The following CHERP variants were observed in gnomAD, a reference collection of about 807,000 sequenced individuals.
The protein encoded by CHERP is ERPROT 213-21.
A neutral mutation model predicts 113.8 loss-of-function variants in CHERP; 8 were observed. The ratio of observed to expected loss-of-function variants is 0.07; its 90% CI spans 0.04 to 0.13. The LOEUF is 0.13. Among genes scored for constraint, CHERP ranks in the 10% least tolerant of loss-of-function variants. The pLI is 1.00. For missense variants in CHERP, 884 were observed against 1,298.2 expected, an observed-to-expected ratio of 0.68 and a Z score of 4.90; for synonymous variants, 559 against 524.5, an observed-to-expected ratio of 1.07 and a Z score of -0.90.
rs1363650822 is a variant in CHERP at position 16,532,333 on chromosome 19, G to C, written c.674+265C>G. 2.2e-6 allele frequency: 1 copy of C among 447,658 alleles called. No homozygotes were observed. The highest frequency in any genetic ancestry group is 3.7e-5 in the South Asian group (1 of 26,706). The allele number at this position is 447,658 out of a possible 1,614,324, so 27.7% of individuals were successfully genotyped here. A position where few individuals can be genotyped will look rare whatever the true frequency, so the allele number is the denominator to read the frequency against. On this transcript the variant is annotated intron_variant, in intron 5 of 16. Coordinates refer to ENST00000546361, the MANE Select transcript of CHERP (RefSeq NM_006387.6). This position sits in a 1 kb window ranked among gnomAD's most constrained non-coding sequence, Gnocchi z 4.4. ...GGAGTGCAGGGGACAGTGGCCCCCA[G>C]GAGACAGCAATGTGACAGGTGAGGC...
Position 16,525,706 on chromosome 19 carries a change from T to C in CHERP, c.1306-29A>G. 1 of 1,470,110 alleles carries C rather than the reference T, an allele frequency of 6.8e-7. No individual in the cohort carries two copies. The highest frequency in any genetic ancestry group is 9.0e-7 in the Non-Finnish European group (1 of 1,108,478). The allele number at this position is 1,470,110 out of a possible 1,614,324, so 91.1% of individuals were successfully genotyped here. A position where few individuals can be genotyped will look rare whatever the true frequency, so the allele number is the denominator to read the frequency against. ...CAAGGGAAGGGACAGGCTTGAGCCC[T>C]GCGTGGTCTAGGCCCTAGTGCTCGG... On this transcript the variant is annotated intron_variant, in intron 9 of 16. Coordinates refer to ENST00000546361, the MANE Select transcript of CHERP (RefSeq NM_006387.6). This position sits in a 1 kb window ranked among gnomAD's most constrained non-coding sequence, Gnocchi z 6.5.
chr19:16,522,214 G>A (rs1018514707), intron 11 of CHERP, among the ~76,000 whole-genome samples: 10 of 151,880 alleles, frequency 6.6e-5, no homozygotes, highest in African/African-American at 2.4e-4. Flanking sequence ...AGTGGCAGTG[G>A]CCAGCATGCC....
At position 16,535,644 on chromosome 19, in the gene CHERP, G is replaced by T. The variant is rs958830395; in HGVS notation, c.200-8C>A. 4 of 1,501,130 alleles carry T rather than the reference G, an allele frequency of 2.7e-6. No homozygotes were observed. Among genetic ancestry groups the T allele is most frequent in the Admixed American group, 2.2e-5 (1 of 44,748 alleles). 93.0% of individuals were successfully genotyped at this position (1,501,130 alleles called of 1,614,324 possible). A position where few individuals can be genotyped will look rare whatever the true frequency, so the allele number is the denominator to read the frequency against. On this transcript the variant is annotated splice_polypyrimidine_tract_variant and splice_region_variant and intron_variant, in intron 2 of 16. Coordinates refer to ENST00000546361, the MANE Select transcript of CHERP (RefSeq NM_006387.6). This position sits in a 1 kb window ranked among gnomAD's most constrained non-coding sequence, Gnocchi z 4.3. ...TCTGCTGCTTGCAGATGACTGGAGG[G>T]AGAGGAGGAGGGGTGCCCCATGAGA...
chr19:16,529,983 C>A, intron 7 of CHERP, 83 bp from the exon 8 acceptor site: 1 of 1,511,358 alleles, frequency 6.6e-7, no homozygotes, highest in Non-Finnish European at 8.9e-7. Flanking sequence ...GCCTGGAAAG[C>A]AGCAGAGCCT....
intron 8 of CHERP, 24 bp downstream of exon 8, chr19:16,529,624 G>C: frequency 6.5e-7 from 1 of 1,532,976 alleles, no homozygotes; most frequent in Non-Finnish European, 8.8e-7. Context: ...CCTGGGGGCA[G>C]GCTGAGCTGA....
rs1182372320 is a variant in CHERP at position 16,539,067 on chromosome 19, C to T, written c.199+2803G>A. On this transcript the variant is annotated intron_variant, in intron 2 of 16. Coordinates refer to ENST00000546361, the MANE Select transcript of CHERP (RefSeq NM_006387.6). ...CCCAGGCTGGTCCCTGTAGCTTGTC[C>T]TACACCACCGGCCACACAACCCAAG... 2.0e-5 allele frequency among the ~76,000 whole-genome samples: 3 copies of T among 152,008 alleles called. No individual in the cohort carries two copies. The East Asian group carries it at 5.8e-4, about 29-fold the overall frequency.
chr19:16,519,772 A>T lies in CHERP; in HGVS notation c.2463-57T>A, dbSNP rs1044697008. The T allele has an allele frequency of 4.1e-6, 6 of 1,448,668 alleles. No individual in the cohort carries two copies. In the Admixed American group the frequency reaches 5.0e-5, roughly 12 times the overall value. 89.7% of individuals were successfully genotyped at this position (1,448,668 alleles called of 1,614,324 possible). ...AGTAACTGAGACATTTATTGGAATGACAGTGATGAGGACCTCACAGCCGCA... is the reference window on the plus strand; with the variant it reads ...AGTAACTGAGACATTTATTGGAATGTCAGTGATGAGGACCTCACAGCCGCA... On this transcript the variant is annotated intron_variant, in intron 15 of 16. Transcript: ENST00000546361. This position sits in a 1 kb window ranked among gnomAD's most constrained non-coding sequence, Gnocchi z 6.0.
At chr19:16,537,177 C>A (rs1051552852) in intron 2 of CHERP, among the ~76,000 whole-genome samples, 9 of 148,598 alleles carry the variant, frequency 6.1e-5, no homozygotes, top group African/African-American at 1.5e-4. Context: ...CCCCGCACCC[C>A]CCTCCTTCCC....
chr19:16,533,225 G>A, intron 3 of CHERP, 77 bp from the exon 4 acceptor site: 2 of 1,410,704 alleles, frequency 1.4e-6, no homozygotes, highest in South Asian at 1.3e-5. Context: ...TGGCTCAGCA[G>A]GGGCGGGGTG....
chr19:16,527,501 G>A (rs2085664483), intron 9 of CHERP, among the ~76,000 whole-genome samples: 2 of 152,196 alleles, frequency 1.3e-5, no homozygotes, highest in Admixed American at 1.3e-4. Context: ...GGGCAAGGGG[G>A]AAAGTCACGC....
chr19:16,520,727 T>C lies in CHERP; in HGVS notation c.2201+99A>G. On this transcript the variant is annotated intron_variant, in intron 13 of 16. Transcript: ENST00000546361. The surrounding 1 kb of genome is among the most constrained non-coding windows in gnomAD (Gnocchi z 4.0). ...AACACCGCCCCATAGGCACAGGCTG[T>C]GTGAGGGTGGACGTGATGAGTGTAT... 1 of 1,281,682 alleles carries C rather than the reference T, an allele frequency of 7.8e-7. No homozygotes were observed. The highest frequency in any genetic ancestry group is 1.1e-6 in the Non-Finnish European group (1 of 886,618). The allele number at this position is 1,281,682 out of a possible 1,614,324, so 79.4% of individuals were successfully genotyped here.
Position 16,519,416 on chromosome 19 carries a change from GC to G in CHERP, c.2558-65del. ...AGGCAGATGGGGGTGCACGTGGGGG[GC>G]TGAATGTCCAGACAGGCAGTGTAGA... is the stretch of plus-strand genomic sequence containing the variant. On this transcript the variant is annotated intron_variant, in intron 16 of 16. Transcript: ENST00000546361. The surrounding 1 kb of genome is among the most constrained non-coding windows in gnomAD (Gnocchi z 6.0). 1 of 1,514,496 alleles carries G rather than the reference GC, an allele frequency of 6.6e-7. No individual in the cohort carries two copies. The highest frequency in any genetic ancestry group is 1.2e-5 in the South Asian group (1 of 84,610). The allele number at this position is 1,514,496 out of a possible 1,614,324, so 93.8% of individuals were successfully genotyped here.
intron 8 of CHERP, among the ~76,000 whole-genome samples, chr19:16,528,906 T>A (rs1235469640): frequency 5.3e-5 from 8 of 152,156 alleles, no homozygotes; most frequent in Non-Finnish European, 1.5e-5. Flanking sequence ...TGAGCTGAGA[T>A]CACGCCACTG....
Position 16,525,773 on chromosome 19 carries a change from C to A in CHERP, c.1306-96G>T. 8.3e-7 allele frequency: 1 copy of A among 1,205,010 alleles called. No homozygotes were observed. Among genetic ancestry groups the A allele is most frequent in the Non-Finnish European group, 1.1e-6 (1 of 904,094 alleles). 74.6% of individuals were successfully genotyped at this position (1,205,010 alleles called of 1,614,324 possible). A position where few individuals can be genotyped will look rare whatever the true frequency, so the allele number is the denominator to read the frequency against. ...GGCAGCATCACAGCGCTGGCTCAGA[C>A]CATGGAGGCGCTGCCCTGGCCACGT... On this transcript the variant is annotated intron_variant, in intron 9 of 16. Coordinates refer to ENST00000546361, the MANE Select transcript of CHERP (RefSeq NM_006387.6). The surrounding 1 kb of genome is among the most constrained non-coding windows in gnomAD (Gnocchi z 6.5).
At chr19:16,541,803 G>A (rs1408120678) in intron 2 of CHERP, 67 bp downstream of exon 2, 2 of 1,507,212 alleles carry the variant, frequency 1.3e-6, no homozygotes, top group South Asian at 1.2e-5. Flanking sequence ...GTTTGTGGCA[G>A]AGCCCGGACT....
In CHERP at chr19:16,523,332, G is replaced by T. The variant is rs2085634507; in HGVS notation, c.1742-42C>A. 6.3e-7 allele frequency: 1 copy of T among 1,595,552 alleles called. No individual in the cohort carries two copies. The highest frequency in any genetic ancestry group is 1.4e-5 in the African/African-American group (1 of 73,382). On this transcript the variant is annotated intron_variant, in intron 10 of 16. Coordinates refer to ENST00000546361, the MANE Select transcript of CHERP (RefSeq NM_006387.6). The surrounding 1 kb of genome is among the most constrained non-coding windows in gnomAD (Gnocchi z 4.0). ...TGCCTCAGGACCACAGGCCAGTCAG[G>T]ATCTCCCAGGCGACAAGTGCTGGAG...
intron 2 of CHERP, among the ~76,000 whole-genome samples, chr19:16,537,973 T>C (rs1467747291): frequency 6.6e-6 from 1 of 152,200 alleles, no homozygotes; most frequent in Non-Finnish European, 1.5e-5. Context: ...CCAGAAATGG[T>C]CCTTCACCAC....
Position 16,528,166 on chromosome 19 carries a change from C to G in CHERP, c.1219G>C (p.Gly407Arg), listed in dbSNP as rs2085669398. 6.2e-7 allele frequency: 1 copy of G among 1,613,324 alleles called. No homozygotes were observed. Among genetic ancestry groups the G allele is most frequent in the Non-Finnish European group, 8.5e-7 (1 of 1,179,776 alleles). The change falls in exon 9 of 17, where the codon GGC (glycine) becomes CGC (arginine). Residue 407 changes from glycine (G) to arginine (R), a missense_variant. Gly to Arg is a moderately radical substitution (Grantham distance 125). This residue lies in a region of CHERP where 464 missense variants were observed against 590.1 expected (regional missense o/e 0.79). Transcript: ENST00000546361. ...VQDPAAAGPRGPGPHDQIPPN... is the reference protein window; with the variant it reads ...VQDPAAAGPRRPGPHDQIPPN... ...GGGATCTGGTCGTGTGGCCCGGGGC[C>G]CCGGGGGCCGGCAGCTGCAGGATCC...
chr19:16,521,601 G>A lies in CHERP; in HGVS notation c.2034C>T (p.Pro678=), dbSNP rs765549216. Residue 678 remains proline (P), a synonymous_variant, in exon 12 of 17, where the codon CCC becomes CCT. Transcript: ENST00000546361. ...PLDPKDIRLP[P]PMPPSERLLA... is the part of the protein sequence containing the mutation. ...GCAGCCTCTCGCTGGGCGGCATGGGGGGTGGGAGGCGGATGTCTTTAGGGT... is the reference window on the plus strand; with the variant it reads ...GCAGCCTCTCGCTGGGCGGCATGGGAGGTGGGAGGCGGATGTCTTTAGGGT... 2 of 1,609,914 alleles carry A rather than the reference G, an allele frequency of 1.2e-6. No homozygotes were observed. Among genetic ancestry groups the A allele is most frequent in the African/African-American group, 2.7e-5 (2 of 74,822 alleles).
Sources: allele counts gnomAD v4.1 joint callset (sites outside exome capture counted in the v4.1 genomes callset), GRCh38; gene constraint gnomAD v4.1.1; regional missense constraint gnomAD v4.1.1; non-coding constraint Gnocchi (gnomAD v3.1); transcripts MANE v1.5; gene names NCBI Gene and HGNC (gene_info 2026-07-23, HGNC 2026-07-21).